Variants in INSR observed in about 807,000 individuals in gnomAD.
The protein encoded by INSR is IR.
In INSR, 67 loss-of-function variants were observed where a neutral mutation model predicts 142.6. The observed-to-expected ratio is 0.47, with a 90% CI of 0.39 to 0.58. INSR has a LOEUF of 0.58. Ranked by LOEUF, INSR falls within the 20% of genes least tolerant of loss-of-function variation. The pLI is 0.00. For synonymous variants in INSR, 756 were observed against 743.1 expected (o/e 1.02, Z -0.28); for missense variants, 1,248 against 1,833.2 (o/e 0.68, Z 5.83).
At chr19:7,186,052 C>T (rs765151790) in intron 2 of INSR, among the ~76,000 whole-genome samples, 80 of 150,500 alleles carry the variant, frequency 5.3e-4, no homozygotes, top group Non-Finnish European at 8.6e-4. Context: ...AACAATTAGC[C>T]GGGTGTGGTG....
At chr19:7,228,021 G>C (rs190459402) in intron 2 of INSR, among the ~76,000 whole-genome samples, 40 of 151,888 alleles carry the variant, frequency 2.6e-4, no homozygotes, top group Admixed American at 1.6e-3. Flanking sequence ...CCAAATCTAG[G>C]GCCTCTCTCA....
chr19:7,158,534 C>G (rs575535985), intron 9 of INSR, among the ~76,000 whole-genome samples: 1 of 151,966 alleles, frequency 6.6e-6, no homozygotes, highest in South Asian at 2.1e-4. Context: ...GAAAAATGAG[C>G]ATAATGAAGT....
intron 2 of INSR, among the ~76,000 whole-genome samples, chr19:7,249,038 C>T (rs949765104): frequency 6.6e-6 from 1 of 152,096 alleles, no homozygotes; most frequent in African/African-American, 2.4e-5. Flanking sequence ...GGATTACAGG[C>T]GTGAGTTACT....
intron 11 of INSR, among the ~76,000 whole-genome samples, chr19:7,147,583 A>G (rs1005637047): frequency 2.0e-5 from 3 of 152,258 alleles, no homozygotes; most frequent in South Asian, 4.2e-4. Flanking sequence ...TGGTCAGAAA[A>G]CAAATCCTAC....
chr19:7,242,680 T>C (rs905545327), intron 2 of INSR, among the ~76,000 whole-genome samples: 6 of 127,826 alleles, frequency 4.7e-5, no homozygotes, highest in African/African-American at 1.9e-4. Context: ...GAGGTTACAG[T>C]GAGCCAAGAT....
chr19:7,161,904 C>T (rs1350985661), intron 9 of INSR, among the ~76,000 whole-genome samples: 1 of 152,012 alleles, frequency 6.6e-6, no homozygotes, highest in African/African-American at 2.4e-5. Flanking sequence ...ATGTATGAGC[C>T]GGTCATAGTG....
chr19:7,217,590 G>A (rs1975031), intron 2 of INSR, among the ~76,000 whole-genome samples: 27,261 of 152,086 alleles, frequency 0.18, 3,085 homozygotes, highest in Non-Finnish European at 0.25. Flanking sequence ...ACGGAGTCTC[G>A]CTCTGTCTGC....
intron 13 of INSR, among the ~76,000 whole-genome samples, chr19:7,133,302 C>T (rs921197278): frequency 3.3e-5 from 5 of 151,966 alleles, no homozygotes; most frequent in Non-Finnish European, 2.9e-5. Flanking sequence ...GTTGTGTACA[C>T]GTATGGGGTA....
intron 2 of INSR, among the ~76,000 whole-genome samples, chr19:7,245,944 G>T (rs1053353662): frequency 6.6e-6 from 1 of 152,030 alleles, no homozygotes; most frequent in Non-Finnish European, 1.5e-5. Flanking sequence ...TACTGGGGAA[G>T]GAATTGGTTA....
intron 2 of INSR, among the ~76,000 whole-genome samples, chr19:7,187,155 C>T (rs1974453286): frequency 1.3e-5 from 2 of 151,978 alleles, no homozygotes; most frequent in Admixed American, 1.3e-4. Flanking sequence ...GATCTCGGCT[C>T]ACTGCAACCT....
intron 1 of INSR, among the ~76,000 whole-genome samples, chr19:7,272,488 C>T (rs1262045990): frequency 1.3e-5 from 2 of 151,614 alleles, no homozygotes; most frequent in East Asian, 3.9e-4. Flanking sequence ...CGGGGTGGCG[C>T]ATGCCTGTAA....
chr19:7,174,661 C>T lies in INSR; in HGVS notation c.1045G>A (p.Asp349Asn), dbSNP rs759347211. The change falls in exon 4 of 22, where the codon GAC (aspartate) becomes AAC (asparagine). Residue 349 changes from aspartate (D) to asparagine (N), a missense_variant. Asp to Asn is a conservative substitution (Grantham distance 23, BLOSUM62 1). Around this residue, in one of 3 missense-constraint regions of INSR, gnomAD observed 1,069 missense variants for 1,654.0 expected, o/e 0.65. Transcript: ENST00000302850. ...AGCTCCTGGGCAGACGTCACCGAGT[C>T]GATGGTCTTCTCGCCTTCTAGGAGG... Reference protein sequence around the residue: ...CHLLEGEKTIDSVTSAQELRG... With the variant: ...CHLLEGEKTINSVTSAQELRG... 3 of 1,613,902 alleles carry T rather than the reference C, an allele frequency of 1.9e-6. No homozygotes were observed. Among genetic ancestry groups the T allele is most frequent in the Non-Finnish European group, 8.5e-7 (1 of 1,179,984 alleles).
At chr19:7,233,681 T>C (rs1208103377) in intron 2 of INSR, among the ~76,000 whole-genome samples, 3 of 137,170 alleles carry the variant, frequency 2.2e-5, no homozygotes, top group African/African-American at 8.1e-5. Context: ...TTTTTTTTTT[T>C]TTTTTTTTTT....
chr19:7,142,890 T>G lies in INSR; in HGVS notation c.2468A>C (p.Gln823Pro). The change falls in exon 12 of 22, where the codon CAG becomes CCG. Residue 823 changes from glutamine (Q) to proline (P), a missense_variant. Transcript: ENST00000302850. ...RHFTGYRIELQACNQDTPEER... is the reference protein window; with the variant it reads ...RHFTGYRIELPACNQDTPEER... ...CTCAGGGGTGTCCTGGTTGCAAGCC[T>G]GCAGCTCGATGCGATAGCCCGTGAA... 6.2e-7 allele frequency: 1 copy of G among 1,614,132 alleles called. No individual in the cohort carries two copies. The highest frequency in any genetic ancestry group is 8.5e-7 in the Non-Finnish European group (1 of 1,180,028).
At position 7,184,403 on chromosome 19, in the gene INSR, G is replaced by T; in HGVS notation, c.887C>A (p.Ser296Ter). The T allele has an allele frequency of 3.1e-6, 5 of 1,614,072 alleles. No homozygotes were observed. Among genetic ancestry groups the T allele is most frequent in the Non-Finnish European group, 4.2e-6 (5 of 1,180,008 alleles). The change falls in exon 3 of 22, where the codon TCG (serine) becomes TAG (stop). Residue 296 changes from serine to a stop codon, truncating the protein, a stop_gained. Coordinates refer to ENST00000302850, the MANE Select transcript of INSR (RefSeq NM_000208.4). LOFTEE classifies it high-confidence loss of function. ...GTACTGGTGGCAGCCCTGCCTCCGCGAGTTCTTGCATTTGTGGTGCAGGTC... is the reference window on the plus strand; with the variant it reads ...GTACTGGTGGCAGCCCTGCCTCCGCTAGTTCTTGCATTTGTGGTGCAGGTC... ...CQDLHHKCKNSRRQGCHQYVI... is the reference protein window; with the variant it reads ...CQDLHHKCKN
chr19:7,271,064 A>G (rs1320914373), intron 1 of INSR, among the ~76,000 whole-genome samples: 1 of 152,028 alleles, frequency 6.6e-6, no homozygotes, highest in East Asian at 1.9e-4. Context: ...TCTGTCTCAA[A>G]AAAAAAACAG....
At chr19:7,214,640 G>A (rs1410285004) in intron 2 of INSR, among the ~76,000 whole-genome samples, 1 of 152,164 alleles carries the variant, frequency 6.6e-6, no homozygotes, top group East Asian at 1.9e-4. Flanking sequence ...CAGGGGCCAG[G>A]TATGCATTAG....
intron 2 of INSR, among the ~76,000 whole-genome samples, chr19:7,235,929 TATAAC>T (rs1439786892): frequency 1.3e-5 from 2 of 150,708 alleles, no homozygotes; most frequent in Non-Finnish European, 1.5e-5. Context: ...CTGGTGGAAA[TATAAC>T]AGACTCCAAC....
chr19:7,218,743 C>A (rs1448668736), intron 2 of INSR, among the ~76,000 whole-genome samples: 1 of 152,108 alleles, frequency 6.6e-6, no homozygotes, highest in East Asian at 1.9e-4. Context: ...GGGGTTTCGC[C>A]ATGTTGGCCA....
Sources: allele counts gnomAD v4.1 joint callset (sites outside exome capture counted in the v4.1 genomes callset), GRCh38; gene constraint gnomAD v4.1.1; regional missense constraint gnomAD v4.1.1; transcripts MANE v1.5; gene names NCBI Gene and HGNC (gene_info 2026-07-23, HGNC 2026-07-21).